Variants in CELF2 observed in about 807,000 individuals in gnomAD.
CELF2 encodes the protein CUGBP Elav-like family member 2.
In CELF2, 8 loss-of-function variants were observed where a neutral mutation model predicts 62.6. That is an observed-to-expected ratio of 0.13 (90% confidence interval 0.07 to 0.23). CELF2 has a LOEUF of 0.23. Ranked by LOEUF, CELF2 falls within the 10% of genes least tolerant of loss-of-function variation. The pLI, the probability that CELF2 is intolerant of heterozygous loss-of-function variation, is 1.00. For synonymous variants in CELF2, 258 were observed against 250.0 expected (o/e 1.03, Z -0.30); for missense variants, 333 against 671.0 (o/e 0.50, Z 5.56).
At chr10:11,327,460 T>G (rs1259569849) in intron 12 of CELF2, among the ~76,000 whole-genome samples, 1 of 152,228 alleles carries the variant, frequency 6.6e-6, no homozygotes, top group Non-Finnish European at 1.5e-5. Flanking sequence ...CATGATGGAC[T>G]GGTTTCCATT....
chr10:11,210,516 G>A lies in CELF2; in HGVS notation c.272-6909G>A, dbSNP rs78458034. The stretch of plus-strand genomic sequence containing the variant: ...AGCCCTCAAGTTGTATAGTTATTTT[G>A]TATTCCAGAAAATGCTCCACAGTTC... On this transcript the variant is annotated intron_variant, in intron 2 of 12. Transcript: ENST00000633077. Among the ~76,000 whole-genome samples, 80 of 152,292 alleles carry A rather than the reference G, an allele frequency of 5.3e-4. 1 individual carries two copies. The highest frequency in any genetic ancestry group is 1.8e-3 in the African/African-American group (76 of 41,556).
chr10:10,622,424 CAT>C, the CELF2 span, among the ~76,000 whole-genome samples: 11 of 151,794 alleles, frequency 7.2e-5, no homozygotes, highest in Non-Finnish European at 5.9e-5. Context: ...GCCTGGGTAA[CAT>C]AGTGAGACCC....
chr10:11,120,246 G>A (rs2057459686), intron 1 of CELF2, among the ~76,000 whole-genome samples: 1 of 152,128 alleles, frequency 6.6e-6, no homozygotes. Flanking sequence ...ACACATCGGT[G>A]CAGAAAAGGA....
At chr10:10,850,401 A>G (rs1332720173) in intron 1 of CELF2, among the ~76,000 whole-genome samples, 1 of 152,184 alleles carries the variant, frequency 6.6e-6, no homozygotes, top group Non-Finnish European at 1.5e-5. Context: ...TCTTTGGAAG[A>G]ATGAATTGCC....
chr10:11,044,603 T>C (rs542510787), intron 1 of CELF2, among the ~76,000 whole-genome samples: 1 of 152,364 alleles, frequency 6.6e-6, no homozygotes, highest in East Asian at 1.9e-4. Context: ...GAGATTATGA[T>C]GGTAATATTG....
rs2075644505 is a variant in CELF2 at position 11,246,461 on chromosome 10, A to G, written c.355-2692A>G. Reference sequence around the variant, plus strand: ...GAAGAAGCCCTCATTCACCCTATCTACTGTTACCCTCCTCCTTTCCCCTCT... The same window carrying G: ...GAAGAAGCCCTCATTCACCCTATCTGCTGTTACCCTCCTCCTTTCCCCTCT... On this transcript the variant is annotated intron_variant, in intron 3 of 12. Coordinates refer to ENST00000633077, the MANE Select transcript of CELF2 (RefSeq NM_001326342.2). The surrounding 1 kb of genome is among the most constrained non-coding windows in gnomAD (Gnocchi z 4.6). 6.6e-6 allele frequency among the ~76,000 whole-genome samples: 1 copy of G among 151,984 alleles called. No homozygotes were observed. The highest frequency in any genetic ancestry group is 2.4e-5 in the African/African-American group (1 of 41,374).
the CELF2 span, among the ~76,000 whole-genome samples, chr10:10,552,783 T>C: frequency 2.6e-5 from 4 of 152,292 alleles, no homozygotes; most frequent in South Asian, 8.3e-4. Flanking sequence ...ATTTACTGAG[T>C]GTCTTCTATC....
chr10:10,885,244 A>C (rs1264323059), intron 1 of CELF2, among the ~76,000 whole-genome samples: 1 of 151,506 alleles, frequency 6.6e-6, no homozygotes, highest in Non-Finnish European at 1.5e-5. Context: ...CACTGTCTCA[A>C]AAAAAAAACA....
chr10:10,903,675 A>G (rs2063111562), intron 1 of CELF2, among the ~76,000 whole-genome samples: 1 of 152,210 alleles, frequency 6.6e-6, no homozygotes, highest in Admixed American at 6.5e-5. Flanking sequence ...CCTTGTTTTC[A>G]GAAGGGCCTC....
rs1044651339 is a variant in CELF2 at position 10,949,518 on chromosome 10, A to G, written c.89+29519A>G. ...TAAAAACCTCACCCAGAGGCCAGGC[A>G]TGGTGGCTCATGCCTGTAATCTCAG... is the stretch of plus-strand genomic sequence containing the variant. On this transcript the variant is annotated intron_variant, in intron 2 of 13. Transcript: ENST00000636488. 2.0e-5 allele frequency among the ~76,000 whole-genome samples: 3 copies of G among 152,054 alleles called. No homozygotes were observed. In the East Asian group the frequency reaches 5.8e-4, roughly 29 times the overall value.
the CELF2 span, among the ~76,000 whole-genome samples, chr10:10,707,483 T>G: frequency 6.6e-6 from 1 of 152,186 alleles, no homozygotes; most frequent in South Asian, 2.1e-4. Context: ...CAATGTTAGA[T>G]GTCTTCCTTA....
At position 11,328,199 on chromosome 10, in the gene CELF2, G is replaced by A. The variant is rs959795693; in HGVS notation, c.1439-727G>A. Among the ~76,000 whole-genome samples the A allele has an allele frequency of 2.6e-5, 4 of 152,230 alleles. No individual in the cohort carries two copies. Among genetic ancestry groups the A allele is most frequent in the Non-Finnish European group, 4.4e-5 (3 of 68,044 alleles). ...ATGTATCCCCCAGACTTTGGGAGAT[G>A]CCAGGGAGCAATTTCCTTTCTGCTG... is the stretch of plus-strand genomic sequence containing the variant. On this transcript the variant is annotated intron_variant, in intron 12 of 12. Transcript: ENST00000633077. This position sits in a 1 kb window ranked among gnomAD's most constrained non-coding sequence, Gnocchi z 6.4.
At chr10:11,132,112 C>T (rs560817509) in intron 1 of CELF2, among the ~76,000 whole-genome samples, 1 of 152,372 alleles carries the variant, frequency 6.6e-6, no homozygotes, top group East Asian at 1.9e-4. Context: ...TATCCACTGG[C>T]ATCACCCAGG....
chr10:10,664,855 A>G, the CELF2 span, among the ~76,000 whole-genome samples: 1 of 152,254 alleles, frequency 6.6e-6, no homozygotes, highest in African/African-American at 2.4e-5. Flanking sequence ...TTACTGAAAT[A>G]GTTAAGACAT....
the CELF2 span, among the ~76,000 whole-genome samples, chr10:10,582,887 A>G: frequency 6.6e-6 from 1 of 152,206 alleles, no homozygotes; most frequent in Non-Finnish European, 1.5e-5. Context: ...TAGAATTTAG[A>G]AAGAAGGAAG....
the CELF2 span, among the ~76,000 whole-genome samples, chr10:10,669,844 C>A: frequency 6.7e-6 from 1 of 150,170 alleles, no homozygotes; most frequent in Non-Finnish European, 1.5e-5. Context: ...AGTATTATTG[C>A]TTTTTGTGTT....
chr10:11,041,571 G>T (rs1265853977), intron 1 of CELF2, among the ~76,000 whole-genome samples: 1 of 152,166 alleles, frequency 6.6e-6, no homozygotes, highest in Non-Finnish European at 1.5e-5. Context: ...TATCAGGGTG[G>T]TAAGACTTCG....
At chr10:11,301,666 C>T (rs1303748645) in intron 9 of CELF2, among the ~76,000 whole-genome samples, 2 of 150,586 alleles carry the variant, frequency 1.3e-5, no homozygotes, top group African/African-American at 2.4e-5. Flanking sequence ...GGCAGCCCTG[C>T]TTCTGAGCTG....
intron 1 of CELF2, among the ~76,000 whole-genome samples, chr10:10,889,216 C>G (rs1255439032): frequency 2.0e-5 from 3 of 152,194 alleles, no homozygotes; most frequent in Non-Finnish European, 4.4e-5. Flanking sequence ...ACTCTGAAAT[C>G]CATGGATTTG....
Sources: allele counts gnomAD v4.1 joint callset (sites outside exome capture counted in the v4.1 genomes callset), GRCh38; gene constraint gnomAD v4.1.1; non-coding constraint Gnocchi (gnomAD v3.1); transcripts MANE v1.5; gene names NCBI Gene and HGNC (gene_info 2026-07-23, HGNC 2026-07-21).